FMN2: variants seen among roughly 807,000 people sequenced by gnomAD.
The protein encoded by FMN2 is formin 2.
A neutral mutation model predicts 142.3 loss-of-function variants in FMN2; 51 were observed. That is an observed-to-expected ratio of 0.36 (90% CI 0.29 to 0.45). The LOEUF (loss-of-function observed/expected upper bound fraction) is 0.45, where lower values mean the gene tolerates loss of function less well. Among genes scored for constraint, FMN2 ranks in the 20% least tolerant of loss-of-function variants. FMN2 has a pLI of 1.00. For synonymous variants in FMN2, 882 were observed against 869.8 expected (o/e 1.01, Z -0.25); for missense variants, 1,936 against 2,122.8 (o/e 0.91, Z 1.73).
At chr1:240,266,571 C>T (rs947713719) in intron 7 of FMN2, among the ~76,000 whole-genome samples, 1 of 152,016 alleles carries the variant, frequency 6.6e-6, no homozygotes, top group Non-Finnish European at 1.5e-5. Flanking sequence ...TGTAATGTTC[C>T]GTGGTATATA....
chr1:240,349,860 C>G (rs72767906), intron 13 of FMN2, among the ~76,000 whole-genome samples: 21,806 of 152,162 alleles, frequency 0.14, 1,695 homozygotes, highest in African/African-American at 0.19. Flanking sequence ...TTGGATTTGA[C>G]TGCAATGCAA....
intron 6 of FMN2, among the ~76,000 whole-genome samples, chr1:240,248,387 T>TAA (rs1491045502): frequency 7.1e-6 from 1 of 141,374 alleles, no homozygotes; most frequent in Non-Finnish European, 1.5e-5. Flanking sequence ...TATATATATA[T>TAA]AACATACATG....
intron 7 of FMN2, among the ~76,000 whole-genome samples, chr1:240,262,438 A>C (rs1668661964): frequency 2.0e-5 from 3 of 152,126 alleles, no homozygotes; most frequent in Admixed American, 2.0e-4. Context: ...ATTTCAAATA[A>C]TTTTGGCCTG....
At chr1:240,251,132 T>G (rs1668264053) in intron 6 of FMN2, among the ~76,000 whole-genome samples, 1 of 152,104 alleles carries the variant, frequency 6.6e-6, no homozygotes, top group Non-Finnish European at 1.5e-5. Flanking sequence ...GATTTTGTTC[T>G]TGCTTTTCTG....
At chr1:240,377,501 A>T (rs578249986) in intron 14 of FMN2, among the ~76,000 whole-genome samples, 1 of 152,300 alleles carries the variant, frequency 6.6e-6, no homozygotes, top group South Asian at 2.1e-4. Flanking sequence ...GACAAAAATT[A>T]TATTAGCAGT....
At chr1:240,359,357 G>T (rs2103051727) in intron 14 of FMN2, among the ~76,000 whole-genome samples, 1 of 152,168 alleles carries the variant, frequency 6.6e-6, no homozygotes, top group Non-Finnish European at 1.5e-5. Flanking sequence ...TTATATTTTT[G>T]TATATACAAG....
intron 8 of FMN2, among the ~76,000 whole-genome samples, chr1:240,295,182 C>T (rs1476465279): frequency 1.7e-5 from 2 of 118,816 alleles, no homozygotes; most frequent in Non-Finnish European, 3.4e-5. Context: ...TTGTTCTGTG[C>T]ACTTCATACA....
At chr1:240,183,217 C>T (rs1665226474) in intron 3 of FMN2, among the ~76,000 whole-genome samples, 1 of 151,658 alleles carries the variant, frequency 6.6e-6, no homozygotes, top group Admixed American at 6.6e-5. Flanking sequence ...ATGCCTGGTC[C>T]ATTTCTGTGT....
intron 7 of FMN2, among the ~76,000 whole-genome samples, chr1:240,272,363 T>C (rs1194175046): frequency 7.1e-6 from 1 of 140,930 alleles, no homozygotes; most frequent in Non-Finnish European, 1.6e-5. Flanking sequence ...GTAAAAGGTG[T>C]GGTTTTTGCA....
At chr1:240,440,455 C>T (rs910843604) in intron 16 of FMN2, among the ~76,000 whole-genome samples, 1 of 152,048 alleles carries the variant, frequency 6.6e-6, no homozygotes, top group African/African-American at 2.4e-5. Context: ...AATGAGCTTT[C>T]CTTCACTCTC....
intron 15 of FMN2, among the ~76,000 whole-genome samples, chr1:240,433,527 G>A (rs1338177811): frequency 1.3e-5 from 2 of 151,990 alleles, no homozygotes; most frequent in Non-Finnish European, 2.9e-5. Flanking sequence ...TTCTCTCAAC[G>A]CAGAGCTTAG....
chr1:240,193,596 G>A (rs10926162), intron 4 of FMN2, among the ~76,000 whole-genome samples: 97,565 of 152,086 alleles, frequency 0.64, 32,246 homozygotes, highest in African/African-American at 0.8. Context: ...ACTGGGTGTG[G>A]GGCCAGGGAG....
At chr1:240,467,579 A>G (rs1676665813) in intron 16 of FMN2, among the ~76,000 whole-genome samples, 1 of 152,196 alleles carries the variant, frequency 6.6e-6, no homozygotes, top group Middle Eastern at 3.4e-3. Context: ...CATTTCTTTA[A>G]GAGAGAGAAA....
intron 15 of FMN2, among the ~76,000 whole-genome samples, chr1:240,429,731 T>C (rs997184636): frequency 6.6e-6 from 1 of 152,198 alleles, no homozygotes; most frequent in East Asian, 1.9e-4. Context: ...CATATTGATA[T>C]ATCAGCAACT....
intron 2 of FMN2, among the ~76,000 whole-genome samples, chr1:240,139,378 A>G (rs1056059377): frequency 1.5e-5 from 2 of 135,596 alleles, no homozygotes; most frequent in African/African-American, 5.7e-5. Flanking sequence ...AAAGGCCATT[A>G]GTTTTTTGTA....
At chr1:240,212,613 CAGTA>C (rs1558369367) in intron 6 of FMN2, among the ~76,000 whole-genome samples, 2 of 152,102 alleles carry the variant, frequency 1.3e-5, no homozygotes, top group Non-Finnish European at 2.9e-5. Flanking sequence ...TCATAATAAT[CAGTA>C]AGTCCAGGGT....
intron 15 of FMN2, among the ~76,000 whole-genome samples, chr1:240,418,894 G>A (rs1481490440): frequency 1.3e-5 from 2 of 152,076 alleles, no homozygotes; most frequent in Admixed American, 6.6e-5. Context: ...ATCACCTGAG[G>A]TCAGGAGTTC....
chr1:240,229,174 C>T (rs1667449555), intron 6 of FMN2, among the ~76,000 whole-genome samples: 1 of 152,120 alleles, frequency 6.6e-6, no homozygotes, highest in Non-Finnish European at 1.5e-5. Flanking sequence ...CTCTTTCTTC[C>T]ATCAAGTCTT....
intron 1 of FMN2, among the ~76,000 whole-genome samples, chr1:240,118,590 T>C (rs1662114786): frequency 6.6e-6 from 1 of 152,114 alleles, no homozygotes; most frequent in Admixed American, 6.5e-5. Context: ...ACTGGAGAGT[T>C]TGGAGTAAAC....
Sources: allele counts gnomAD v4.1 joint callset (sites outside exome capture counted in the v4.1 genomes callset), GRCh38; gene constraint gnomAD v4.1.1; transcripts MANE v1.5; gene names NCBI Gene and HGNC (gene_info 2026-07-23, HGNC 2026-07-21).